The following DRICH1 variants were observed in gnomAD, a reference collection of about 807,000 sequenced individuals.
The protein encoded by DRICH1 is aspartate-rich protein 1.
A neutral mutation model predicts 39.5 loss-of-function variants in DRICH1; 38 were observed. The ratio of observed to expected loss-of-function variants is 0.96; its 90% CI spans 0.74 to 1.26. DRICH1 has a LOEUF of 1.26. Ranked by LOEUF, DRICH1 falls within the 50% of genes most tolerant of loss-of-function variation. The probability of loss-of-function intolerance (pLI) is 0.00; values close to 1 mark genes in which losing one functional copy is unlikely to be tolerated. For missense variants in DRICH1, 279 were observed against 270.4 expected (o/e 1.03, Z -0.22); for synonymous variants, 84 against 99.5 (o/e 0.84, Z 0.93).
downstream of DRICH1, among the ~76,000 whole-genome samples, chr22:23,607,538 C>CGGGGGGGGGGG (rs59669796): frequency 6.8e-6 from 1 of 147,430 alleles, no homozygotes; most frequent in African/African-American, 2.5e-5. Flanking sequence ...CTGGCGGGGG[C>CGGGGGGGGGGG]GGGGGGGGGC....
At chr22:23,611,859 AAAC>A (rs1927055596) in intron 11 of DRICH1, among the ~76,000 whole-genome samples, 1 of 152,188 alleles carries the variant, frequency 6.6e-6, no homozygotes, top group Non-Finnish European at 1.5e-5. Context: ...CATTACAGTA[AAAC>A]AACACTTCTT....
chr22:23,592,689 G>C, the DRICH1 span, among the ~76,000 whole-genome samples: 1 of 152,068 alleles, frequency 6.6e-6, no homozygotes, highest in Non-Finnish European at 1.5e-5. Flanking sequence ...GAAGGGAGAG[G>C]CTTCAAGCTT....
chr22:23,606,594 C>A (rs1926745802), downstream of DRICH1, among the ~76,000 whole-genome samples: 1 of 152,200 alleles, frequency 6.6e-6, no homozygotes, highest in African/African-American at 2.4e-5. Flanking sequence ...GTCTCCAACT[C>A]CTTTGAAATA....
At chr22:23,632,491 C>T (rs1921018995), upstream of DRICH1, among the ~76,000 whole-genome samples, 1 of 152,218 alleles carries the variant, frequency 6.6e-6, no homozygotes. Flanking sequence ...GCCCCCCTGC[C>T]CCTCTGTGGG....
chr22:23,607,538 C>CGG (rs59669796), downstream of DRICH1, among the ~76,000 whole-genome samples: 8,414 of 147,132 alleles, frequency 0.057, 501 homozygotes, highest in African/African-American at 0.15. Context: ...CTGGCGGGGG[C>CGG]GGGGGGGGGC....
downstream of DRICH1, among the ~76,000 whole-genome samples, chr22:23,604,323 C>T (rs1449153491): frequency 6.6e-6 from 1 of 152,126 alleles, no homozygotes; most frequent in African/African-American, 2.4e-5. Context: ...CTGGGAGTCC[C>T]CTGCCAGGTG....
chr22:23,632,135 AC>A lies in DRICH1; in HGVS notation c.-113del. On this transcript the variant is annotated 5_prime_UTR_variant, in exon 1 of 12. Coordinates refer to ENST00000317749, the MANE Select transcript of DRICH1 (RefSeq NM_016449.4). The stretch of plus-strand genomic sequence containing the variant: ...GCCCTGCACTTTTAGAAGCAGCCTG[AC>A]CCCAGGCAGATCTGGGTCCTCAGCC... 1 of 1,510,840 alleles carries A rather than the reference AC, an allele frequency of 6.6e-7. No individual in the cohort carries two copies. Among genetic ancestry groups the A allele is most frequent in the Non-Finnish European group, 8.9e-7 (1 of 1,125,174 alleles). 93.6% of individuals were successfully genotyped at this position (1,510,840 alleles called of 1,614,324 possible).
downstream of DRICH1, among the ~76,000 whole-genome samples, chr22:23,604,446 A>G (rs1235089209): frequency 2.0e-5 from 3 of 152,092 alleles, no homozygotes; most frequent in Non-Finnish European, 2.9e-5. Flanking sequence ...CGACACCCTC[A>G]TTTTGTGTGC....
chr22:23,605,751 T>C (rs943839929), downstream of DRICH1, among the ~76,000 whole-genome samples: 5 of 152,072 alleles, frequency 3.3e-5, no homozygotes, highest in African/African-American at 4.8e-5. Flanking sequence ...CGAATCAAGA[T>C]AAATAATATT....
At chr22:23,632,431 GC>G (rs371080321), upstream of DRICH1, 73 of 247,484 alleles carry the variant, frequency 2.9e-4, no homozygotes, top group African/African-American at 7.9e-4. Context: ...CAGCCCCACA[GC>G]CCCCCCCAAT....
the DRICH1 span, among the ~76,000 whole-genome samples, chr22:23,586,612 C>T: frequency 2.6e-5 from 4 of 152,204 alleles, no homozygotes; most frequent in Admixed American, 6.5e-5. Context: ...GGCAGAATCT[C>T]GGCTCACTGC....
In DRICH1 at chr22:23,617,556, C is replaced by T. The variant is rs1367140699; in HGVS notation, c.519+19G>A. On this transcript the variant is annotated intron_variant, in intron 7 of 11. Transcript: ENST00000317749. Reference sequence around the variant, plus strand: ...AGAAAACCAACATTTCCTTAGAAGACAAAGAAAGGTTGTCTTACCTGGGCA... The same window carrying T: ...AGAAAACCAACATTTCCTTAGAAGATAAAGAAAGGTTGTCTTACCTGGGCA... 2.5e-6 allele frequency: 4 copies of T among 1,613,036 alleles called. No homozygotes were observed. Among genetic ancestry groups the T allele is most frequent in the Admixed American group, 1.7e-5 (1 of 59,990 alleles).
the DRICH1 span, among the ~76,000 whole-genome samples, chr22:23,584,101 G>A: frequency 4.6e-5 from 7 of 152,298 alleles, no homozygotes; most frequent in Non-Finnish European, 7.4e-5. Context: ...GGGACCCTGC[G>A]GGGCTGGGCT....
chr22:23,586,671 G>A, the DRICH1 span, among the ~76,000 whole-genome samples: 1 of 152,132 alleles, frequency 6.6e-6, no homozygotes, highest in African/African-American at 2.4e-5. Flanking sequence ...AGCCTCCAGA[G>A]TAGCTGGGAT....
chr22:23,598,143 G>T, the DRICH1 span, among the ~76,000 whole-genome samples: 3 of 148,432 alleles, frequency 2.0e-5, no homozygotes, highest in Non-Finnish European at 4.5e-5. Context: ...AGACCTCGCT[G>T]TCCCTCCAGG....
intron 4 of DRICH1, among the ~76,000 whole-genome samples, chr22:23,621,078 C>T (rs1045204902): frequency 1.2e-4 from 18 of 152,148 alleles, no homozygotes; most frequent in African/African-American, 4.3e-4. Flanking sequence ...GGAAAGAAAT[C>T]AGGTGAAGGA....
rs202145383 is a variant in DRICH1, at chr22:23,613,344, A to G, written c.644-14T>C. 17 of 1,609,106 alleles carry G rather than the reference A, an allele frequency of 1.1e-5. No homozygotes were observed. In the African/African-American group the frequency reaches 2.0e-4, roughly 19 times the overall value. On this transcript the variant is annotated splice_polypyrimidine_tract_variant and intron_variant, in intron 10 of 11. Coordinates refer to ENST00000317749, the MANE Select transcript of DRICH1 (RefSeq NM_016449.4). ...CCAGCGTCAAGTCTTTAGAAACAAAAACACCAGAATAAGTCATTAGAGAGA... is the reference window on the plus strand; with the variant it reads ...CCAGCGTCAAGTCTTTAGAAACAAAGACACCAGAATAAGTCATTAGAGAGA...
chr22:23,618,879 A>G (rs1927538331), intron 6 of DRICH1, among the ~76,000 whole-genome samples: 1 of 152,152 alleles, frequency 6.6e-6, no homozygotes, highest in South Asian at 2.1e-4. Context: ...TTGGTATAAG[A>G]TATCACAAAT....
At chr22:23,581,881 G>C in the DRICH1 span, among the ~76,000 whole-genome samples, 1 of 151,880 alleles carries the variant, frequency 6.6e-6, no homozygotes, top group African/African-American at 2.4e-5. Flanking sequence ...TGGGATCACA[G>C]GTGTGAGCCA....
Sources: gnomAD v4.1 joint callset for allele counts (sites outside exome capture counted in the v4.1 genomes callset) on GRCh38, gnomAD v4.1.1 for gene constraint, MANE v1.5 for transcripts, NCBI Gene and HGNC (gene_info 2026-07-23, HGNC 2026-07-21) for gene names.